Variants in ROBO2 observed in about 807,000 individuals in gnomAD.
ROBO2 encodes roundabout homolog 2.
A neutral mutation model predicts 160.8 loss-of-function variants in ROBO2; 53 were observed. The observed-to-expected ratio is 0.33, with a 90% CI of 0.26 to 0.41. ROBO2 has a LOEUF of 0.41. Among genes scored for constraint, ROBO2 ranks in the 10% least tolerant of loss-of-function variants. The pLI is 1.00. For missense variants in ROBO2, 1,577 were observed against 1,722.4 expected, an observed-to-expected ratio of 0.92 and a Z score of 1.49; for synonymous variants, 664 against 611.7, an observed-to-expected ratio of 1.09 and a Z score of -1.26.
At chr3:77,604,782 A>T (rs975899492) in intron 20 of ROBO2, among the ~76,000 whole-genome samples, 14 of 152,192 alleles carry the variant, frequency 9.2e-5, no homozygotes, top group African/African-American at 3.4e-4. Context: ...AACTAATCAT[A>T]TGGTATTATA....
chr3:77,318,489 T>C (rs1036557092), intron 2 of ROBO2, among the ~76,000 whole-genome samples: 1 of 152,240 alleles, frequency 6.6e-6, no homozygotes, highest in African/African-American at 2.4e-5. Context: ...AGTATTTCTG[T>C]TATTTATATT....
chr3:76,493,337 TTATA>T (rs57835432), intron 2 of ROBO2, among the ~76,000 whole-genome samples: 8,748 of 104,758 alleles, frequency 0.084, 705 homozygotes, highest in African/African-American at 0.2. Flanking sequence ...AGACAAAAAA[TTATA>T]TATATATATA....
chr3:77,106,791 T>A (rs1385291049), intron 2 of ROBO2, among the ~76,000 whole-genome samples: 1 of 152,236 alleles, frequency 6.6e-6, no homozygotes, highest in Non-Finnish European at 1.5e-5. Context: ...ACCACCCATT[T>A]CTGAATTAAA....
chr3:77,317,077 TCA>T (rs2064074172), intron 2 of ROBO2: 1 of 1,427,804 alleles, frequency 7.0e-7, no homozygotes, highest in African/African-American at 1.4e-5. Context: ...CTGGAATTCA[TCA>T]GTCCTGTAGC....
At chr3:75,922,756 T>C (rs1432090253) in intron 1 of ROBO2, among the ~76,000 whole-genome samples, 1 of 152,166 alleles carries the variant, frequency 6.6e-6, no homozygotes, top group Non-Finnish European at 1.5e-5. Flanking sequence ...TCTCTGAAAG[T>C]TGTCACTTAT....
At chr3:76,483,841 T>C (rs113404181) in intron 2 of ROBO2, among the ~76,000 whole-genome samples, 3,037 of 152,220 alleles carry the variant, frequency 0.02, 51 homozygotes, top group Non-Finnish European at 0.028. Flanking sequence ...CTGTGTTAGT[T>C]TACTAAGAAT....
chr3:76,756,967 C>T (rs1254084446), intron 2 of ROBO2, among the ~76,000 whole-genome samples: 1 of 151,836 alleles, frequency 6.6e-6, no homozygotes, highest in Non-Finnish European at 1.5e-5. Flanking sequence ...GAGCTGGGCA[C>T]ATAAACTGTT....
chr3:76,529,766 G>A (rs1004172665), intron 2 of ROBO2, among the ~76,000 whole-genome samples: 8 of 152,062 alleles, frequency 5.3e-5, no homozygotes, highest in East Asian at 1.9e-4. Flanking sequence ...AGTTAAATCC[G>A]TCCGTTCAAA....
chr3:76,106,869 T>G (rs2108208279), intron 2 of ROBO2, among the ~76,000 whole-genome samples: 1 of 152,244 alleles, frequency 6.6e-6, no homozygotes, highest in African/African-American at 2.4e-5. Context: ...GCGTGCATAA[T>G]TCTTCCCTTG....
rs181898018 is a variant in ROBO2 at position 75,923,983 on chromosome 3, A to G, written c.-13-13498A>G. Among the ~76,000 whole-genome samples, 128 of 152,384 alleles carry G rather than the reference A, an allele frequency of 8.4e-4. 1 individual carries two copies. The South Asian group carries it at 0.016, about 19-fold the overall frequency. On this transcript the variant is annotated intron_variant, in intron 1 of 26. Coordinates refer to the ROBO2 transcript ENST00000487694. Reference sequence around the variant, plus strand: ...TGTTAGCATCAAGGACATGAAATTTATCTGGAATATACCAAAACTTTAATC... The same window carrying G: ...TGTTAGCATCAAGGACATGAAATTTGTCTGGAATATACCAAAACTTTAATC...
intron 2 of ROBO2, among the ~76,000 whole-genome samples, chr3:76,026,808 T>C (rs962149941): frequency 1.3e-5 from 2 of 151,874 alleles, no homozygotes; most frequent in African/African-American, 2.4e-5. Context: ...TTCTAATGGG[T>C]TGTCAGAGAA....
chr3:76,754,990 C>T (rs2060887334), intron 2 of ROBO2, among the ~76,000 whole-genome samples: 1 of 151,842 alleles, frequency 6.6e-6, no homozygotes, highest in Admixed American at 6.6e-5. Context: ...TAAATTTTGT[C>T]TCTAGTGATC....
chr3:76,089,273 C>G (rs1245925964), intron 2 of ROBO2, among the ~76,000 whole-genome samples: 1 of 151,902 alleles, frequency 6.6e-6, no homozygotes, highest in Non-Finnish European at 1.5e-5. Context: ...ATAAATTATG[C>G]CAATTCTCCA....
chr3:76,923,765 T>A (rs1191033273), intron 2 of ROBO2, among the ~76,000 whole-genome samples: 2 of 152,250 alleles, frequency 1.3e-5, no homozygotes, highest in East Asian at 3.8e-4. Flanking sequence ...GCAGTTGTGC[T>A]ACTGAATCAC....
rs1032011599 is a variant in ROBO2 at position 77,166,264 on chromosome 3, TAAAAAAAAG to T, written c.388+67940_388+67948del. Among the ~76,000 whole-genome samples the T allele has an allele frequency of 1.8e-4, 27 of 150,582 alleles. 1 individual carries two copies. Among genetic ancestry groups the T allele is most frequent in the African/African-American group, 4.9e-4 (20 of 40,966 alleles). The stretch of plus-strand genomic sequence containing the variant: ...CAGGGAGAAACTCTGTCTCAAAATT[TAAAAAAAAG>T]AAAAAAAAGAAAAAAGAAAGAAACA... On this transcript the variant is annotated intron_variant, in intron 2 of 25. Coordinates refer to ENST00000461745, the Ensembl canonical transcript of ROBO2.
At chr3:77,461,847 C>G (rs576767519) in intron 2 of ROBO2, among the ~76,000 whole-genome samples, 3 of 152,016 alleles carry the variant, frequency 2.0e-5, no homozygotes, top group African/African-American at 7.2e-5. Context: ...CCTGCCGCAG[C>G]CTCCCATATC....
At chr3:77,625,758 G>T (rs1440568050) in intron 23 of ROBO2, among the ~76,000 whole-genome samples, 1 of 152,018 alleles carries the variant, frequency 6.6e-6, no homozygotes, top group African/African-American at 2.4e-5. Flanking sequence ...TTTTGAAAGG[G>T]TTGTAGGAAA....
In ROBO2 at chr3:76,636,859, A is replaced by G. The variant is rs544057792; in HGVS notation, c.110-461155A>G. 2.6e-5 allele frequency among the ~76,000 whole-genome samples: 4 copies of G among 152,142 alleles called. No individual in the cohort carries two copies. The East Asian group carries it at 5.8e-4, about 22-fold the overall frequency. ...AGGCAGGGTGACAATAGGTGATTTA[A>G]TATCTTCCGATGTCCCGTAAAGCAA... On this transcript the variant is annotated intron_variant, in intron 2 of 26. Transcript: ENST00000487694.
At chr3:77,277,157 CTTCT>C (rs758551962) in intron 2 of ROBO2, among the ~76,000 whole-genome samples, 1,053 of 88,076 alleles carry the variant, frequency 0.012, 9 homozygotes, top group Admixed American at 0.02. Context: ...TCCTTCTTTC[CTTCT>C]TTCTTTCTTT....
Sources: allele counts gnomAD v4.1 joint callset (sites outside exome capture counted in the v4.1 genomes callset), GRCh38; gene constraint gnomAD v4.1.1; transcripts MANE v1.5; gene names NCBI Gene and HGNC (gene_info 2026-07-23, HGNC 2026-07-21).